Variants in CD2AP observed in about 807,000 individuals in gnomAD.
The protein encoded by CD2AP is CD2-associated protein.
CD2AP carries 46 observed loss-of-function variants against 85.1 expected under a neutral mutation model. The ratio of observed to expected loss-of-function variants is 0.54; its 90% confidence interval spans 0.43 to 0.69. The LOEUF (loss-of-function observed/expected upper bound fraction) is 0.69. CD2AP is among the 30% of genes least tolerant of loss of function. The pLI, the probability that CD2AP is intolerant of heterozygous loss-of-function variation, is 0.00. For synonymous variants in CD2AP, 255 were observed against 252.9 expected (o/e 1.01, Z -0.08); for missense variants, 769 against 729.5 (o/e 1.05, Z -0.62).
In CD2AP at chr6:47,582,081, A is replaced by G; in HGVS notation, c.1108+16A>G. The G allele has an allele frequency of 6.8e-7, 1 of 1,478,884 alleles. No homozygotes were observed. Among genetic ancestry groups the G allele is most frequent in the Non-Finnish European group, 9.5e-7 (1 of 1,056,904 alleles). The allele number at this position is 1,478,884 out of a possible 1,614,324, so 91.6% of individuals were successfully genotyped here. A position where few individuals can be genotyped will look rare whatever the true frequency, so the allele number is the denominator to read the frequency against. ...GAAGAAAAGGGTGAGGCTAATTTTCAACTTTCAAAAAAGCAATTATTTCTT... is the reference window on the plus strand; with the variant it reads ...GAAGAAAAGGGTGAGGCTAATTTTCGACTTTCAAAAAAGCAATTATTTCTT... On this transcript the variant is annotated intron_variant, in intron 11 of 17. Transcript: ENST00000359314.
chr6:47,574,007 A>G, intron 5 of CD2AP, 57 bp from the exon 6 acceptor site: 1 of 1,413,986 alleles, frequency 7.1e-7, no homozygotes, highest in Non-Finnish European at 1.0e-6. Context: ...TTATGACAGG[A>G]TGTCAAGCGT....
At chr6:47,619,732 C>T (rs1169646011) in intron 17 of CD2AP, among the ~76,000 whole-genome samples, 2 of 152,106 alleles carry the variant, frequency 1.3e-5, no homozygotes, top group Non-Finnish European at 2.9e-5. Context: ...CCAACATCTA[C>T]TGTTTTTTGA....
chr6:47,503,181 T>C (rs1441384197), intron 1 of CD2AP, 99 bp from the exon 2 acceptor site: 6 of 1,142,316 alleles, frequency 5.3e-6, no homozygotes, highest in Non-Finnish European at 3.9e-6. Context: ...GTATTAAATA[T>C]TGTTGCTAAA....
chr6:47,617,643 A>C (rs1769626703), intron 17 of CD2AP, among the ~76,000 whole-genome samples: 1 of 151,980 alleles, frequency 6.6e-6, no homozygotes, highest in Admixed American at 6.6e-5. Flanking sequence ...TTTACCTCCT[A>C]ATCTTTATGT....
chr6:47,508,189 G>A (rs969829825), intron 2 of CD2AP, among the ~76,000 whole-genome samples: 3 of 152,238 alleles, frequency 2.0e-5, no homozygotes, highest in Non-Finnish European at 4.4e-5. Context: ...ACTTATGAAA[G>A]TCCTAGGTGG....
intron 16 of CD2AP, among the ~76,000 whole-genome samples, chr6:47,611,914 G>GA (rs1769451638): frequency 6.6e-6 from 1 of 151,992 alleles, no homozygotes; most frequent in South Asian, 2.1e-4. Context: ...TAAAGCTATA[G>GA]AAAAAAGGAC....
chr6:47,585,327 C>T (rs1024766244), intron 11 of CD2AP, among the ~76,000 whole-genome samples: 3 of 151,744 alleles, frequency 2.0e-5, no homozygotes, highest in African/African-American at 7.3e-5. Flanking sequence ...GAAGGTGATG[C>T]ATTTTTGTTA....
chr6:47,582,156 T>G, intron 11 of CD2AP, 91 bp downstream of exon 11: 1 of 827,302 alleles, frequency 1.2e-6, no homozygotes, highest in Non-Finnish European at 2.1e-6. Flanking sequence ...TTATTTACAC[T>G]GATTTTTAAC....
chr6:47,518,004 C>G (rs1413662868), intron 2 of CD2AP, among the ~76,000 whole-genome samples: 1 of 151,876 alleles, frequency 6.6e-6, no homozygotes, highest in Non-Finnish European at 1.5e-5. Context: ...TCAGTTTATC[C>G]CCCTAGGTAG....
At chr6:47,496,648 A>G (rs959575242) in intron 1 of CD2AP, among the ~76,000 whole-genome samples, 6 of 152,222 alleles carry the variant, frequency 3.9e-5, no homozygotes, top group African/African-American at 1.2e-4. Flanking sequence ...ATATACAAAT[A>G]TAAAAAATAC....
intron 9 of CD2AP, chr6:47,579,754 C>G (rs1263446781): frequency 1.1e-5 from 4 of 360,070 alleles, no homozygotes; most frequent in Non-Finnish European, 2.0e-5. Context: ...GCTGTCTATC[C>G]TAATAACATA....
intron 1 of CD2AP, among the ~76,000 whole-genome samples, chr6:47,480,263 C>G (rs941460007): frequency 1.3e-5 from 2 of 152,024 alleles, no homozygotes; most frequent in African/African-American, 4.8e-5. Flanking sequence ...ATAAAATTCC[C>G]AAGTTCACTT....
intron 2 of CD2AP, among the ~76,000 whole-genome samples, chr6:47,514,286 G>C (rs779193266): frequency 1.3e-5 from 2 of 151,916 alleles, no homozygotes; most frequent in Non-Finnish European, 2.9e-5. Context: ...TCTTTTTTAA[G>C]TCATTTCATT....
At position 47,554,753 on chromosome 6, in the gene CD2AP, C is replaced by A. The variant is rs1767633812; in HGVS notation, c.528C>A (p.Ala176=). ...EVTDDGETHE[A]QDDSETVLAG... ...CAGATGATGGTGAAACTCATGAAGC[C>A]CAGGACGATTCAGGTAGACTATTTT... Residue 176 remains alanine, a synonymous_variant, in exon 5 of 18, where the codon GCC becomes GCA. Transcript: ENST00000359314. 1.2e-6 allele frequency: 2 copies of A among 1,612,048 alleles called. No individual in the cohort carries two copies. Among genetic ancestry groups the A allele is most frequent in the Non-Finnish European group, 1.7e-6 (2 of 1,178,992 alleles).
chr6:47,593,743 G>A (rs1293206301), intron 11 of CD2AP, among the ~76,000 whole-genome samples: 5 of 152,068 alleles, frequency 3.3e-5, no homozygotes, highest in South Asian at 2.1e-4. Flanking sequence ...ATGAAAAGCA[G>A]TTAGGTGGTT....
At chr6:47,567,447 G>A (rs1418835301) in intron 5 of CD2AP, among the ~76,000 whole-genome samples, 1 of 152,150 alleles carries the variant, frequency 6.6e-6, no homozygotes, top group Non-Finnish European at 1.5e-5. Flanking sequence ...TGGGAATACA[G>A]TGATCAGCAA....
intron 1 of CD2AP, among the ~76,000 whole-genome samples, chr6:47,496,240 GTT>G (rs1301509049): frequency 6.6e-6 from 1 of 151,964 alleles, no homozygotes; most frequent in Middle Eastern, 3.2e-3. Flanking sequence ...GGTGTAGAGA[GTT>G]TAAGATTTGT....
chr6:47,582,426 T>C (rs1048511887), intron 11 of CD2AP, among the ~76,000 whole-genome samples: 1 of 152,226 alleles, frequency 6.6e-6, no homozygotes, highest in African/African-American at 2.4e-5. Flanking sequence ...AAATAATTAA[T>C]TACATATTAT....
intron 2 of CD2AP, among the ~76,000 whole-genome samples, chr6:47,519,333 A>T (rs2039502): frequency 1 from 152,269 of 152,270 alleles, 76,134 homozygotes; most frequent in Non-Finnish European, 1. Context: ...TTGAGAAGGA[A>T]CCCTGAAATT....
Sources: gnomAD v4.1 joint callset for allele counts (sites outside exome capture counted in the v4.1 genomes callset) on GRCh38, gnomAD v4.1.1 for gene constraint, MANE v1.5 for transcripts, NCBI Gene and HGNC (gene_info 2026-07-23, HGNC 2026-07-21) for gene names.